Variants in CEP15 observed in about 807,000 individuals in gnomAD.
CEP15 encodes centrosomal protein 15, also known as centrosomal protein 15 kDa.
At chr3:62,332,125 G>T in the CEP15 span, among the ~76,000 whole-genome samples, 5 of 152,028 alleles carry the variant, frequency 3.3e-5, no homozygotes, top group Non-Finnish European at 7.4e-5. Flanking sequence ...ACAAAGTTGT[G>T]TCTTGGACAT....
the CEP15 span, chr3:62,333,159 C>A: frequency 9.7e-7 from 1 of 1,029,826 alleles, no homozygotes; most frequent in Non-Finnish European, 1.5e-6. The surrounding 1 kb of genome is among the most constrained non-coding windows in gnomAD (Gnocchi z 4.0). Context: ...TGTATACACG[C>A]ATACACACTC....
the CEP15 span, chr3:62,333,132 G>T: frequency 3.4e-6 from 1 of 295,646 alleles, no homozygotes. The surrounding 1 kb of genome is among the most constrained non-coding windows in gnomAD (Gnocchi z 4.0). Flanking sequence ...CTACATATAT[G>T]TGTGTGTGTG....
the CEP15 span, among the ~76,000 whole-genome samples, chr3:62,331,603 G>GT: frequency 3.3e-5 from 5 of 152,168 alleles, no homozygotes; most frequent in South Asian, 1.0e-3. Flanking sequence ...ATTTTAAAAA[G>GT]TTTAGCAGTT....
chr3:62,335,658 C>T, the CEP15 span: 1 of 152,010 alleles, frequency 6.6e-6, no homozygotes, highest in African/African-American at 2.4e-5. Flanking sequence ...CTATTCATAC[C>T]TTTCTCTCCA....
chr3:62,330,171 T>C, the CEP15 span, among the ~76,000 whole-genome samples: 1 of 152,200 alleles, frequency 6.6e-6, no homozygotes, highest in East Asian at 1.9e-4. Flanking sequence ...TCACACCCAT[T>C]CCTTGCTCCC....
chr3:62,326,200 A>G, the CEP15 span, among the ~76,000 whole-genome samples: 1 of 152,160 alleles, frequency 6.6e-6, no homozygotes, highest in Non-Finnish European at 1.5e-5. Flanking sequence ...GCAGTTAAAC[A>G]GAGACTTCAA....
chr3:62,320,325 T>C, the CEP15 span: 67 of 573,292 alleles, frequency 1.2e-4, no homozygotes, highest in Non-Finnish European at 1.9e-4. Flanking sequence ...CCTTTCATTT[T>C]ATACATTATT....
chr3:62,321,790 AG>A, the CEP15 span: 3 of 580,678 alleles, frequency 5.2e-6, no homozygotes, highest in Non-Finnish European at 8.8e-6. The surrounding 1 kb of genome is among the most constrained non-coding windows in gnomAD (Gnocchi z 4.1). Flanking sequence ...CTGTCTTATT[AG>A]TCGACATAGT....
the CEP15 span, among the ~76,000 whole-genome samples, chr3:62,329,908 G>T: frequency 6.6e-6 from 1 of 152,114 alleles, no homozygotes; most frequent in African/African-American, 2.4e-5. Flanking sequence ...CCAGGACCTT[G>T]TAAAATCTCG....
At chr3:62,320,869 G>T in the CEP15 span, among the ~76,000 whole-genome samples, 1 of 152,090 alleles carries the variant, frequency 6.6e-6, no homozygotes, top group Admixed American at 6.6e-5. Flanking sequence ...TCCTGCATTT[G>T]GTTTAATGCT....
At chr3:62,334,508 T>C in the CEP15 span, 1 of 152,118 alleles carries the variant, frequency 6.6e-6, no homozygotes, top group Non-Finnish European at 1.5e-5. This position sits in a 1 kb window ranked among gnomAD's most constrained non-coding sequence, Gnocchi z 4.9. Context: ...TAATGTTGTT[T>C]TCATAATATG....
At chr3:62,326,777 A>G in the CEP15 span, among the ~76,000 whole-genome samples, 6 of 152,154 alleles carry the variant, frequency 3.9e-5, no homozygotes, top group Non-Finnish European at 7.4e-5. Flanking sequence ...CCCTTCCCCA[A>G]CCACTCAGAT....
chr3:62,323,375 A>G, the CEP15 span, among the ~76,000 whole-genome samples: 1 of 152,224 alleles, frequency 6.6e-6, no homozygotes, highest in Non-Finnish European at 1.5e-5. Flanking sequence ...CAATAGGCAG[A>G]AGGCAAGGCA....
At chr3:62,321,371 A>G in the CEP15 span, among the ~76,000 whole-genome samples, 1 of 152,186 alleles carries the variant, frequency 6.6e-6, no homozygotes. This position sits in a 1 kb window ranked among gnomAD's most constrained non-coding sequence, Gnocchi z 4.1. Flanking sequence ...ATACATACAC[A>G]CAGCCTCTCA....
the CEP15 span, chr3:62,319,398 G>C: frequency 0.13 from 19,239 of 152,182 alleles, 1,546 homozygotes; most frequent in Middle Eastern, 0.19. Context: ...GGCAAGACTT[G>C]GCCTGCGGGT....
At chr3:62,326,552 A>G in the CEP15 span, among the ~76,000 whole-genome samples, 1 of 152,164 alleles carries the variant, frequency 6.6e-6, no homozygotes, top group Non-Finnish European at 1.5e-5. Context: ...ACCTTTCCTA[A>G]TCATGAATCA....
chr3:62,320,365 A>G, the CEP15 span: 1 of 798,844 alleles, frequency 1.3e-6, no homozygotes, highest in South Asian at 1.9e-5. Context: ...CTCTTCTGAG[A>G]GAACCAATGG....
At chr3:62,336,137 C>G in the CEP15 span, 2 of 152,016 alleles carry the variant, frequency 1.3e-5, no homozygotes, top group South Asian at 4.2e-4. The surrounding 1 kb of genome is among the most constrained non-coding windows in gnomAD (Gnocchi z 4.4). Flanking sequence ...TTGCATTATC[C>G]CCCTTTTTCC....
At chr3:62,327,572 G>A in the CEP15 span, among the ~76,000 whole-genome samples, 1 of 152,232 alleles carries the variant, frequency 6.6e-6, no homozygotes, top group South Asian at 2.1e-4. Context: ...TCTCATTTTG[G>A]AACGTTGGCA....
Sources: allele counts gnomAD v4.1 joint callset (sites outside exome capture counted in the v4.1 genomes callset), GRCh38; gene constraint gnomAD v4.1.1; non-coding constraint Gnocchi (gnomAD v3.1); transcripts MANE v1.5; gene names NCBI Gene and HGNC (gene_info 2026-07-23, HGNC 2026-07-21).